ITPR1: variants seen among roughly 807,000 people sequenced by gnomAD.
ITPR1 encodes the protein inositol 1,4,5-trisphosphate receptor type 1, also known as inositol 1,4,5-trisphosphate-gated calcium channel ITPR1.
Under a neutral mutation model 318.4 loss-of-function variants are expected in ITPR1, and 96 were observed. The ratio of observed to expected loss-of-function variants is 0.30; its 90% confidence interval spans 0.26 to 0.36. The LOEUF is 0.36. ITPR1 is among the 10% of genes least tolerant of loss of function. The probability of loss-of-function intolerance (pLI) is 1.00; values close to 1 mark genes in which losing one functional copy is unlikely to be tolerated. For missense variants in ITPR1, 2,440 were observed against 3,460.2 expected (o/e 0.71, Z 7.40); for synonymous variants, 1,312 against 1,289.9 (o/e 1.02, Z -0.37).
chr3:4,746,265 C>T (rs1022127460), intron 44 of ITPR1, among the ~76,000 whole-genome samples: 1 of 152,206 alleles, frequency 6.6e-6, no homozygotes, highest in Non-Finnish European at 1.5e-5. Flanking sequence ...TCACTACCTG[C>T]TTCCCCATCT....
intron 2 of ITPR1, among the ~76,000 whole-genome samples, chr3:4,504,772 C>T (rs2124885939): frequency 6.6e-6 from 1 of 152,280 alleles, no homozygotes; most frequent in African/African-American, 2.4e-5. Flanking sequence ...GAGCCTTTTT[C>T]TCCCTCTTGA....
intron 2 of ITPR1, among the ~76,000 whole-genome samples, chr3:4,504,716 A>G (rs1471070511): frequency 2.0e-5 from 3 of 152,212 alleles, no homozygotes; most frequent in Admixed American, 6.5e-5. Flanking sequence ...GAAGTCCAAA[A>G]TTAACCCTGA....
chr3:4,636,671 C>G (rs745474445), intron 5 of ITPR1, among the ~76,000 whole-genome samples: 1 of 152,052 alleles, frequency 6.6e-6, no homozygotes, highest in South Asian at 2.1e-4. Context: ...TCAGGTGATC[C>G]GCCTGCCTCG....
At chr3:4,837,506 C>T (rs1251230146) in intron 61 of ITPR1, among the ~76,000 whole-genome samples, 1 of 152,024 alleles carries the variant, frequency 6.6e-6, no homozygotes, top group Non-Finnish European at 1.5e-5. Flanking sequence ...TCCCTGATCT[C>T]ACAGGCCTCA....
At chr3:4,776,703 A>G (rs896242283) in intron 47 of ITPR1, among the ~76,000 whole-genome samples, 1 of 152,200 alleles carries the variant, frequency 6.6e-6, no homozygotes, top group East Asian at 1.9e-4. Context: ...TTTGACATCT[A>G]AGTGAATTTC....
intron 56 of ITPR1, chr3:4,812,921 G>A (rs747155677): frequency 2.5e-5 from 14 of 561,394 alleles, no homozygotes; most frequent in Middle Eastern, 9.4e-4. Context: ...ATTTAAGTGC[G>A]ATATTTCTAG....
At position 4,795,193 on chromosome 3, in the gene ITPR1, C is replaced by T. The variant is rs770843035; in HGVS notation, c.6931+6C>T. The T allele has an allele frequency of 1.9e-6, 3 of 1,611,184 alleles. No individual in the cohort carries two copies. In the Admixed American group the frequency reaches 5.0e-5, roughly 27 times the overall value. On this transcript the variant is annotated splice_donor_region_variant and intron_variant, in intron 53 of 61. Coordinates refer to ENST00000649015, the MANE Select transcript of ITPR1 (RefSeq NM_001378452.1). ...GTTTAAGGGAGTCCGAGGAGGTACC[C>T]ATATCTTTAACTTCAAAAATCCTAT...
rs1397367708 is a variant in ITPR1 at position 4,605,194 on chromosome 3, A to G, written c.164-22569A>G. Among the ~76,000 whole-genome samples the G allele has an allele frequency of 3.3e-5, 5 of 151,708 alleles. 1 individual carries two copies. The highest frequency in any genetic ancestry group is 7.4e-5 in the Non-Finnish European group (5 of 67,928). ...CACTATGTTGGCCAGGCTGTCTAGA[A>G]CTCCACCTCGGCCTCCCAAAGTTCT... On this transcript the variant is annotated intron_variant, in intron 4 of 61. Transcript: ENST00000649015.
chr3:4,592,211 G>A (rs2090446869), intron 4 of ITPR1, among the ~76,000 whole-genome samples: 1 of 152,184 alleles, frequency 6.6e-6, no homozygotes, highest in Non-Finnish European at 1.5e-5. Flanking sequence ...TAAGTTGCTT[G>A]AGCAGTAGTG....
At chr3:4,727,413 A>G (rs1291650525) in intron 42 of ITPR1, among the ~76,000 whole-genome samples, 2 of 152,082 alleles carry the variant, frequency 1.3e-5, no homozygotes, top group Non-Finnish European at 2.9e-5. Flanking sequence ...TAAACTTTTC[A>G]TGTCCTTTTT....
At chr3:4,514,123 C>T (rs437037) in intron 2 of ITPR1, among the ~76,000 whole-genome samples, 93,344 of 151,386 alleles carry the variant, frequency 0.62, 28,950 homozygotes, top group East Asian at 0.8. Flanking sequence ...TGGGTTGTAA[C>T]AACCCTGGTC....
chr3:4,676,477 G>A (rs1243980714), intron 23 of ITPR1, 137 bp from the exon 24 acceptor site: 2 of 621,846 alleles, frequency 3.2e-6, no homozygotes, highest in African/African-American at 1.9e-5. Flanking sequence ...TACCTTTCCA[G>A]GTTTCCAGGG....
chr3:4,495,257 G>A (rs1389373720), intron 2 of ITPR1, among the ~76,000 whole-genome samples: 1 of 136,942 alleles, frequency 7.3e-6, no homozygotes, highest in African/African-American at 2.7e-5. Context: ...CTCCTGAAAT[G>A]TTCAGGAACA....
chr3:4,541,625 A>C (rs1472905268), intron 4 of ITPR1, among the ~76,000 whole-genome samples: 1 of 151,744 alleles, frequency 6.6e-6, no homozygotes, highest in Non-Finnish European at 1.5e-5. Context: ...TATCTATTCA[A>C]ATACCACTTT....
chr3:4,508,898 T>C (rs1007944499), intron 2 of ITPR1, among the ~76,000 whole-genome samples: 1 of 152,198 alleles, frequency 6.6e-6, no homozygotes, highest in Non-Finnish European at 1.5e-5. Flanking sequence ...CCTCGTGGGC[T>C]TACAGAGGAT....
chr3:4,698,065 T>G (rs2094587372), intron 34 of ITPR1, among the ~76,000 whole-genome samples: 1 of 150,678 alleles, frequency 6.6e-6, no homozygotes, highest in Non-Finnish European at 1.5e-5. Flanking sequence ...GGTTTTGCAT[T>G]GGGCCTAATA....
intron 44 of ITPR1, among the ~76,000 whole-genome samples, chr3:4,743,260 A>C (rs992514001): frequency 3.9e-5 from 6 of 152,138 alleles, no homozygotes; most frequent in South Asian, 4.1e-4. Context: ...CTGGACTGTT[A>C]TTGAACAGGA....
intron 30 of ITPR1, among the ~76,000 whole-genome samples, chr3:4,687,731 G>A (rs1256829618): frequency 1.3e-5 from 2 of 152,200 alleles, no homozygotes; most frequent in Non-Finnish European, 2.9e-5. Flanking sequence ...AAAATACTGA[G>A]TTTATGCTAT....
intron 44 of ITPR1, among the ~76,000 whole-genome samples, chr3:4,754,055 G>GC (rs200727495): frequency 3.0e-5 from 4 of 131,878 alleles, no homozygotes; most frequent in East Asian, 4.2e-4. Context: ...AAATGGGGGG[G>GC]GGGTGGCAAG....
Sources: allele counts gnomAD v4.1 joint callset (sites outside exome capture counted in the v4.1 genomes callset), GRCh38; gene constraint gnomAD v4.1.1; transcripts MANE v1.5; gene names NCBI Gene and HGNC (gene_info 2026-07-23, HGNC 2026-07-21).